The following SLX9 variants were observed in gnomAD, a reference collection of about 807,000 sequenced individuals.
The protein encoded by SLX9 is ribosome biogenesis protein SLX9 homolog.
A neutral mutation model predicts 20.8 loss-of-function variants in SLX9; 19 were observed. That is an observed-to-expected ratio of 0.91 (90% CI 0.64 to 1.34). SLX9 has a LOEUF of 1.34. SLX9 is among the 40% of genes most tolerant of loss of function. The pLI is 0.00. For synonymous variants in SLX9, 113 were observed against 137.1 expected (o/e 0.82, Z 1.23); for missense variants, 299 against 322.2 (o/e 0.93, Z 0.55).
At chr21:44,964,811 G>A (rs746702599) in intron 3 of SLX9, among the ~76,000 whole-genome samples, 11 of 152,156 alleles carry the variant, frequency 7.2e-5, no homozygotes, top group East Asian at 5.8e-4. Flanking sequence ...TAATCCAGTC[G>A]AGTGGCTCCT....
In SLX9 at chr21:44,976,973, A is replaced by G. The variant is rs1355097381; in HGVS notation, c.*170A>G. The G allele has an allele frequency of 1.1e-6, 1 of 913,888 alleles. No homozygotes were observed. Among genetic ancestry groups the G allele is most frequent in the East Asian group, 2.7e-5 (1 of 37,102 alleles). 56.6% of individuals were successfully genotyped at this position (913,888 alleles called of 1,614,324 possible). The stretch of plus-strand genomic sequence containing the variant: ...CCCCTGCACTGCCAGGGCCGTTCCC[A>G]TGAGCTGCTTCCCTGATTCACAGGG... On this transcript the variant is annotated 3_prime_UTR_variant, in exon 6 of 6. Transcript: ENST00000291634.
chr21:44,954,403 A>C (rs569641828), intron 2 of SLX9, among the ~76,000 whole-genome samples: 4 of 151,808 alleles, frequency 2.6e-5, no homozygotes, highest in Non-Finnish European at 4.4e-5. Flanking sequence ...CTCGGGAGGA[A>C]TGTCGAACCC....
At chr21:44,966,739 A>G (rs1463282382) in intron 3 of SLX9, among the ~76,000 whole-genome samples, 3 of 152,086 alleles carry the variant, frequency 2.0e-5, no homozygotes, top group South Asian at 2.1e-4. Context: ...GCACTCCCCT[A>G]CGCGTGCTCC....
At chr21:44,945,949 G>A (rs924511738) in intron 2 of SLX9, among the ~76,000 whole-genome samples, 2 of 151,996 alleles carry the variant, frequency 1.3e-5, no homozygotes, top group African/African-American at 4.8e-5. Flanking sequence ...TGGCCGGGAT[G>A]GTCTCGATCT....
chr21:44,963,512 T>C (rs1274624238), intron 3 of SLX9, among the ~76,000 whole-genome samples: 3 of 152,170 alleles, frequency 2.0e-5, no homozygotes, highest in Non-Finnish European at 4.4e-5. Context: ...GAAGATATTA[T>C]TCCTGTTTTC....
At chr21:44,953,467 G>A (rs1465396568) in intron 2 of SLX9, among the ~76,000 whole-genome samples, 2 of 152,048 alleles carry the variant, frequency 1.3e-5, no homozygotes, top group East Asian at 1.9e-4. Flanking sequence ...CCCTGCGTCC[G>A]GGCCTCGGGA....
chr21:44,947,255 G>A (rs917523976), intron 2 of SLX9, among the ~76,000 whole-genome samples: 10 of 152,180 alleles, frequency 6.6e-5, no homozygotes, highest in Non-Finnish European at 1.2e-4. Flanking sequence ...TCAATGACCC[G>A]CCTGGCTATG....
chr21:44,956,761 A>G (rs1291574059), intron 2 of SLX9, among the ~76,000 whole-genome samples: 1 of 152,190 alleles, frequency 6.6e-6, no homozygotes, highest in Non-Finnish European at 1.5e-5. Context: ...CCCACGGCCC[A>G]ACTCTGGTGA....
intron 2 of SLX9, among the ~76,000 whole-genome samples, chr21:44,952,913 G>A (rs1354704982): frequency 6.6e-6 from 1 of 152,234 alleles, no homozygotes; most frequent in Non-Finnish European, 1.5e-5. Context: ...CAGCTGGGGT[G>A]GGAGGGCAGC....
At chr21:44,957,833 G>A (rs2084885582) in intron 2 of SLX9, among the ~76,000 whole-genome samples, 1 of 152,234 alleles carries the variant, frequency 6.6e-6, no homozygotes, top group Admixed American at 6.5e-5. Flanking sequence ...ATGGGGACTT[G>A]CCCGTCTCCT....
chr21:44,949,247 C>T (rs1360906076), intron 2 of SLX9, among the ~76,000 whole-genome samples: 1 of 152,196 alleles, frequency 6.6e-6, no homozygotes, highest in Non-Finnish European at 1.5e-5. Flanking sequence ...CCTGGCTCCC[C>T]CTCGCACGGT....
chr21:44,960,872 T>G (rs767427059), intron 3 of SLX9, among the ~76,000 whole-genome samples: 1 of 152,268 alleles, frequency 6.6e-6, no homozygotes. Flanking sequence ...AAAATTATTT[T>G]GTATTTTTCG....
rs1172645939 is a variant in SLX9, at chr21:44,967,035, A to C, written c.354A>C (p.Lys118Asn). The part of the protein sequence containing the change: ...MKLRREQWLQ[K>N]IEAIKLAEQK... ...CTAACGTCGTTTCTCCTTCCTTAGA[A>C]ATCGAAGCCATAAAACTGGCTGAGC... The change falls in exon 4 of 6, where the codon AAA (lysine) becomes AAC (asparagine). Residue 118 changes from lysine to asparagine, a missense_variant and splice_region_variant. Coordinates refer to ENST00000291634, the MANE Select transcript of SLX9 (RefSeq NM_058190.4). 7 of 1,609,366 alleles carry C rather than the reference A, an allele frequency of 4.3e-6. No homozygotes were observed. The highest frequency in any genetic ancestry group is 5.9e-6 in the Non-Finnish European group (7 of 1,178,728).
intron 3 of SLX9, among the ~76,000 whole-genome samples, chr21:44,960,466 C>T (rs1001840873): frequency 7.2e-5 from 11 of 152,236 alleles, no homozygotes; most frequent in African/African-American, 9.6e-5. Flanking sequence ...CTTTGGAGGA[C>T]GGCCTTGGGA....
chr21:44,948,853 G>A (rs576277677), intron 2 of SLX9, among the ~76,000 whole-genome samples: 2 of 152,322 alleles, frequency 1.3e-5, no homozygotes, highest in South Asian at 2.1e-4. Flanking sequence ...TGGATCTCAT[G>A]CCTCCAAGGG....
intron 2 of SLX9, among the ~76,000 whole-genome samples, chr21:44,946,678 C>T (rs983548179): frequency 6.6e-6 from 1 of 152,218 alleles, no homozygotes; most frequent in African/African-American, 2.4e-5. Flanking sequence ...AGCTCATCGC[C>T]GCGGGCCCCC....
At chr21:44,948,679 T>G (rs1263290175) in intron 2 of SLX9, among the ~76,000 whole-genome samples, 1 of 151,876 alleles carries the variant, frequency 6.6e-6, no homozygotes, top group African/African-American at 2.4e-5. Context: ...TTGGGGGCGG[T>G]GGGGGCATGA....
chr21:44,972,652 G>A (rs866768327), intron 4 of SLX9, among the ~76,000 whole-genome samples: 1 of 152,238 alleles, frequency 6.6e-6, no homozygotes. Flanking sequence ...GCTTCCCACT[G>A]TAGCACAGCG....
intron 3 of SLX9, among the ~76,000 whole-genome samples, chr21:44,964,916 T>C (rs769918681): frequency 1.8e-4 from 27 of 152,172 alleles, no homozygotes; most frequent in Non-Finnish European, 3.7e-4. Flanking sequence ...TCTGACTCTT[T>C]CCCCAGGAGG....
Sources: gnomAD v4.1 joint callset for allele counts (sites outside exome capture counted in the v4.1 genomes callset) on GRCh38, gnomAD v4.1.1 for gene constraint, MANE v1.5 for transcripts, NCBI Gene and HGNC (gene_info 2026-07-23, HGNC 2026-07-21) for gene names.